The following SRP54 variants were observed in gnomAD, a reference collection of about 807,000 sequenced individuals.
SRP54 encodes the protein signal recognition particle subunit SRP54.
In SRP54, 10 loss-of-function variants were observed where a neutral mutation model predicts 64.8. That is an observed-to-expected ratio of 0.15 (90% CI 0.10 to 0.26). The LOEUF (loss-of-function observed/expected upper bound fraction) is 0.26. Among genes scored for constraint, SRP54 ranks in the 10% least tolerant of loss-of-function variants. SRP54 has a pLI of 1.00. For synonymous variants in SRP54, 193 were observed against 185.6 expected, an observed-to-expected ratio of 1.04 and a Z score of -0.32; for missense variants, 325 against 613.7, an observed-to-expected ratio of 0.53 and a Z score of 4.97.
intron 14 of SRP54, among the ~76,000 whole-genome samples, chr14:35,024,793 C>G (rs961407656): frequency 6.6e-6 from 1 of 151,962 alleles, no homozygotes; most frequent in African/African-American, 2.4e-5. Context: ...CTGGCATGAT[C>G]TCAGCTCACT....
In SRP54 at chr14:35,013,390, G is replaced by C; in HGVS notation, c.681G>C (p.Gln227His). The C allele has an allele frequency of 6.2e-7, 1 of 1,614,128 alleles. No individual in the cohort carries two copies. Among genetic ancestry groups the C allele is most frequent in the Non-Finnish European group, 8.5e-7 (1 of 1,179,998 alleles). The change falls in exon 9 of 16, where the codon CAG (glutamine) becomes CAC (histidine). Residue 227 changes from glutamine (Q) to histidine (H), a missense_variant. Physicochemically the swap from Gln to His is conservative, Grantham distance 24. Coordinates refer to ENST00000216774, the MANE Select transcript of SRP54 (RefSeq NM_003136.4). Reference protein sequence around the residue: ...IVYVMDASIGQACEAQAKAFK... With the variant: ...IVYVMDASIGHACEAQAKAFK... ...ATGTGATGGATGCCTCCATTGGGCA[G>C]GCTTGTGAAGCCCAGGCTAAGGCTT...
intron 14 of SRP54, 46 bp from the exon 15 acceptor site, chr14:35,028,042 T>C (rs1163206484): frequency 1.5e-6 from 2 of 1,305,046 alleles, no homozygotes; most frequent in Middle Eastern, 1.9e-4. Flanking sequence ...ATACTGATTA[T>C]ATTACCTCCT....
chr14:35,009,024 T>A (rs2044312601), intron 7 of SRP54, among the ~76,000 whole-genome samples, 193 bp downstream of exon 7: 1 of 151,764 alleles, frequency 6.6e-6, no homozygotes. Flanking sequence ...GTAACTGGGA[T>A]TACAGGTGCC....
chr14:35,011,620 C>T lies in SRP54; in HGVS notation c.597C>T (p.Asp199=). The part of the protein sequence containing the change: ...VDTSGRHKQE[D]SLFEEMLQVA... ...CAAGTGGCCGCCACAAACAAGAAGA[C>T]TCTTTGTTTGAAGAAATGCTTCAAG... is the stretch of plus-strand genomic sequence containing the variant. The change falls in exon 8 of 16, where the codon GAC becomes GAT. Residue 199 remains aspartate, a synonymous_variant. Coordinates refer to ENST00000216774, the MANE Select transcript of SRP54 (RefSeq NM_003136.4). The T allele has an allele frequency of 6.3e-7, 1 of 1,586,292 alleles. No homozygotes were observed. Among genetic ancestry groups the T allele is most frequent in the Non-Finnish European group, 8.6e-7 (1 of 1,163,182 alleles).
At chr14:35,027,423 C>A (rs1408059332) in intron 14 of SRP54, among the ~76,000 whole-genome samples, 1 of 152,128 alleles carries the variant, frequency 6.6e-6, no homozygotes, top group African/African-American at 2.4e-5. Context: ...TCCAGCATTC[C>A]CCTGTATCAC....
chr14:34,991,109 C>CTT lies in SRP54; in HGVS notation c.-33-5549_-33-5548dup, dbSNP rs71435838. 7.2e-3 allele frequency among the ~76,000 whole-genome samples: 802 copies of CTT among 110,968 alleles called. 4 individuals carry two copies. The highest frequency in any genetic ancestry group is 0.026 in the South Asian group (83 of 3,154). The allele number at this position is 110,968 out of a possible 152,430, so 72.8% of individuals were successfully genotyped here. A position where few individuals can be genotyped will look rare whatever the true frequency, so the allele number is the denominator to read the frequency against. ...CCCTTGTGCAGGTTAAATTTCTTTT[C>CTT]TTTTTTTTTTTTTTTTTTTTGTTGT... is the stretch of plus-strand genomic sequence containing the variant. On this transcript the variant is annotated intron_variant, in intron 1 of 15. Coordinates refer to ENST00000216774, the MANE Select transcript of SRP54 (RefSeq NM_003136.4).
At chr14:34,996,214 A>G (rs905095373) in intron 1 of SRP54, among the ~76,000 whole-genome samples, 1 of 152,192 alleles carries the variant, frequency 6.6e-6, no homozygotes, top group Non-Finnish European at 1.5e-5. Context: ...AAAAGTTATT[A>G]AAACCTTTTT....
chr14:35,017,488 A>G (rs1168497220), intron 11 of SRP54, among the ~76,000 whole-genome samples: 4 of 152,148 alleles, frequency 2.6e-5, no homozygotes, highest in Non-Finnish European at 5.9e-5. Context: ...ATGTATTTCA[A>G]CCTTAATCCT....
At chr14:34,986,699 G>A (rs2138956164) in intron 1 of SRP54, among the ~76,000 whole-genome samples, 1 of 152,158 alleles carries the variant, frequency 6.6e-6, no homozygotes, top group South Asian at 2.1e-4. Context: ...CCAAGATAGT[G>A]AAAACCCATC....
chr14:35,022,350 T>C (rs2044545284), intron 13 of SRP54, among the ~76,000 whole-genome samples: 1 of 152,006 alleles, frequency 6.6e-6, no homozygotes, highest in South Asian at 2.1e-4. Context: ...CTTTTGAATA[T>C]ATTCCGTATT....
chr14:35,013,266 T>G, intron 8 of SRP54, 80 bp from the exon 9 acceptor site: 2 of 1,383,316 alleles, frequency 1.4e-6, no homozygotes, highest in Non-Finnish European at 1.0e-6. Context: ...TAAATATTGT[T>G]TTATAGCTTC....
intron 3 of SRP54, among the ~76,000 whole-genome samples, chr14:35,000,518 G>T (rs1351385217): frequency 1.3e-5 from 2 of 149,986 alleles, no homozygotes; most frequent in African/African-American, 4.9e-5. Context: ...AGTGAGCCGA[G>T]ATCATGCCAC....
chr14:34,988,578 A>AAAAAAAAATAT (rs1384552218), intron 1 of SRP54, among the ~76,000 whole-genome samples: 12 of 47,104 alleles, frequency 2.5e-4, no homozygotes, highest in African/African-American at 7.4e-4. Context: ...AAAAAAAAAA[A>AAAAAAAAATAT]ATATATATAT....
At chr14:35,014,920 T>C (rs978276746) in intron 11 of SRP54, 90 bp downstream of exon 11, 1 of 890,756 alleles carries the variant, frequency 1.1e-6, no homozygotes, top group Non-Finnish European at 1.7e-6. Flanking sequence ...AAATGTAATA[T>C]CTGTTAGAGT....
At chr14:34,983,497 A>T (rs1006130652) in intron 1 of SRP54, among the ~76,000 whole-genome samples, 1 of 152,258 alleles carries the variant, frequency 6.6e-6, no homozygotes, top group Non-Finnish European at 1.5e-5. Flanking sequence ...GCAAGAATTT[A>T]GATGAAGCTA....
At chr14:35,019,192 GGT>G (rs2044487165) in intron 13 of SRP54, 118 bp downstream of exon 13, 1 of 691,822 alleles carries the variant, frequency 1.4e-6, no homozygotes, top group African/African-American at 1.8e-5. Flanking sequence ...ATTATTTTTA[GGT>G]AGATTTGTAA....
intron 1 of SRP54, among the ~76,000 whole-genome samples, chr14:34,990,835 A>G (rs1035407654): frequency 6.6e-6 from 1 of 152,238 alleles, no homozygotes; most frequent in Non-Finnish European, 1.5e-5. Context: ...GTACAGTACA[A>G]ATTACCCAAG....
At chr14:34,987,259 ATG>A (rs1296145213) in intron 1 of SRP54, among the ~76,000 whole-genome samples, 5 of 113,446 alleles carry the variant, frequency 4.4e-5, no homozygotes, top group East Asian at 2.2e-4. Context: ...ATATATATAT[ATG>A]TGTGTGTGTG....
intron 5 of SRP54, among the ~76,000 whole-genome samples, 183 bp from the exon 6 acceptor site, chr14:35,008,444 C>T (rs767622472): frequency 6.6e-6 from 1 of 152,094 alleles, no homozygotes; most frequent in Non-Finnish European, 1.5e-5. Context: ...TACTGCATGA[C>T]AATTAGAATA....
Sources: gnomAD v4.1 joint callset for allele counts (sites outside exome capture counted in the v4.1 genomes callset) on GRCh38, gnomAD v4.1.1 for gene constraint, MANE v1.5 for transcripts, NCBI Gene and HGNC (gene_info 2026-07-23, HGNC 2026-07-21) for gene names.